The following SHANK2 variants were observed in gnomAD, a reference collection of about 807,000 sequenced individuals.
SHANK2 encodes SH3 and multiple ankyrin repeat domains 2.
A neutral mutation model predicts 133.7 loss-of-function variants in SHANK2; 43 were observed. The observed-to-expected ratio is 0.32, with a 90% CI of 0.25 to 0.41. The LOEUF (loss-of-function observed/expected upper bound fraction) is 0.41. Among genes scored for constraint, SHANK2 ranks in the 10% least tolerant of loss-of-function variants. The probability of loss-of-function intolerance (pLI) is 1.00; values close to 1 mark genes in which losing one functional copy is unlikely to be tolerated. For missense variants in SHANK2, 1,994 were observed against 2,235.8 expected (o/e 0.89, Z 2.18); for synonymous variants, 1,017 against 952.8 (o/e 1.07, Z -1.24).
chr11:70,717,119 C>G (rs1312239140), intron 14 of SHANK2, among the ~76,000 whole-genome samples: 3 of 152,238 alleles, frequency 2.0e-5, no homozygotes, highest in Non-Finnish European at 4.4e-5. Flanking sequence ...CCCAGCCATG[C>G]TGTCTTTGGA....
intron 14 of SHANK2, among the ~76,000 whole-genome samples, chr11:70,761,917 C>T (rs10793291): frequency 0.34 from 50,706 of 149,314 alleles, 9,177 homozygotes; most frequent in East Asian, 0.58. Flanking sequence ...AGCAAGTTCC[C>T]GGCTGCTGCT....
chr11:70,495,711 C>T, intron 21 of SHANK2: 1 of 165,840 alleles, frequency 6.0e-6, no homozygotes, highest in Non-Finnish European at 1.4e-5. Context: ...GAGCGGGGTG[C>T]AGCAGCATGT....
chr11:70,814,362 C>T (rs756216512), intron 12 of SHANK2, among the ~76,000 whole-genome samples: 6 of 151,742 alleles, frequency 4.0e-5, no homozygotes, highest in Non-Finnish European at 7.4e-5. Flanking sequence ...ACCGGGAGAG[C>T]TCCCAATTCC....
chr11:70,648,771 G>A (rs1231112704), intron 17 of SHANK2, among the ~76,000 whole-genome samples: 2 of 152,172 alleles, frequency 1.3e-5, no homozygotes, highest in Non-Finnish European at 2.9e-5. Context: ...GGGTTTGGGA[G>A]GAAGGAGACC....
intron 2 of SHANK2, among the ~76,000 whole-genome samples, chr11:71,208,424 A>G (rs1591021426): frequency 6.6e-6 from 1 of 152,194 alleles, no homozygotes; most frequent in African/African-American, 2.4e-5. Context: ...TCTCAACCCC[A>G]TAAACCCTAG....
chr11:70,798,616 A>G (rs1205609944), intron 13 of SHANK2, 60 bp from the exon 14 acceptor site: 2 of 711,438 alleles, frequency 2.8e-6, no homozygotes, highest in Admixed American at 2.0e-5. Flanking sequence ...CTGAGGTTGA[A>G]CAAGACGAGT....
At chr11:70,862,306 A>G (rs1262037192) in intron 11 of SHANK2, among the ~76,000 whole-genome samples, 1 of 152,216 alleles carries the variant, frequency 6.6e-6, no homozygotes, top group Non-Finnish European at 1.5e-5. Flanking sequence ...CTTTGTTGAA[A>G]GATCCCTCTT....
Position 70,487,832 on chromosome 11 carries a change from C to T in SHANK2, c.2573-112G>A, listed in dbSNP as rs562887354. The T allele has an allele frequency of 4.1e-5, 64 of 1,542,970 alleles. No individual in the cohort carries two copies. In the African/African-American group the frequency reaches 7.0e-4, roughly 17 times the overall value. ...AAACTCACAAATTCAGATGATGAAC[C>T]GGATGTTCAGGAAACACAGCACAAG... is the stretch of plus-strand genomic sequence containing the variant. On this transcript the variant is annotated intron_variant, in intron 24 of 25. Coordinates refer to ENST00000601538, the MANE Select transcript of SHANK2 (RefSeq NM_012309.5). The surrounding 1 kb of genome is among the most constrained non-coding windows in gnomAD (Gnocchi z 5.8).
intron 3 of SHANK2, 49 bp downstream of exon 3, chr11:71,147,071 C>G (rs1486966523): frequency 6.8e-7 from 1 of 1,469,624 alleles, no homozygotes; most frequent in Non-Finnish European, 9.1e-7. Flanking sequence ...GTTCAAGCCA[C>G]AGGTGACATT....
At chr11:70,766,801 T>G (rs1947132651) in intron 14 of SHANK2, among the ~76,000 whole-genome samples, 1 of 152,254 alleles carries the variant, frequency 6.6e-6, no homozygotes, top group East Asian at 1.9e-4. Flanking sequence ...GGCAATGTTT[T>G]TGTTCCAATC....
chr11:70,915,655 G>A (rs1220452047), intron 10 of SHANK2, among the ~76,000 whole-genome samples: 1 of 152,120 alleles, frequency 6.6e-6, no homozygotes, highest in Non-Finnish European at 1.5e-5. Flanking sequence ...GGGAGTTAAA[G>A]GCAACAGGCA....
intron 9 of SHANK2, among the ~76,000 whole-genome samples, chr11:71,069,196 C>CACT (rs1951109468): frequency 6.6e-6 from 1 of 151,254 alleles, no homozygotes; most frequent in Non-Finnish European, 1.5e-5. Context: ...CACTATCAAC[C>CACT]ACCATCATCA....
At chr11:70,755,439 T>G (rs1289179154) in intron 14 of SHANK2, among the ~76,000 whole-genome samples, 1 of 152,146 alleles carries the variant, frequency 6.6e-6, no homozygotes, top group Non-Finnish European at 1.5e-5. Flanking sequence ...TGTGCAGGGG[T>G]GCACTCCGGC....
At chr11:70,559,293 T>C (rs1444488279) in intron 17 of SHANK2, among the ~76,000 whole-genome samples, 2 of 152,224 alleles carry the variant, frequency 1.3e-5, no homozygotes, top group East Asian at 3.8e-4. Flanking sequence ...GTGCTGGCAT[T>C]ACAGGCGTGA....
At chr11:70,747,275 C>T (rs1591809587) in intron 14 of SHANK2, among the ~76,000 whole-genome samples, 1 of 151,968 alleles carries the variant, frequency 6.6e-6, no homozygotes, top group Non-Finnish European at 1.5e-5. Context: ...GGCTCGGTGC[C>T]ATGCTTAGGA....
intron 10 of SHANK2, among the ~76,000 whole-genome samples, chr11:70,940,327 A>G (rs1950630446): frequency 6.8e-6 from 1 of 146,364 alleles, no homozygotes; most frequent in South Asian, 2.3e-4. Context: ...GCTTACTGCA[A>G]CCTCTGCCTC....
rs549530392 is a variant in SHANK2 at position 70,586,540 on chromosome 11, C to T, written c.2061+73288G>A. On this transcript the variant is annotated intron_variant, in intron 17 of 25. Coordinates refer to ENST00000601538, the MANE Select transcript of SHANK2 (RefSeq NM_012309.5). ...GACACACTACTCTTCACAGAGACCT[C>T]GGAAGCTAACTCCGAGGCGGCCCCT... Among the ~76,000 whole-genome samples, 39 of 152,296 alleles carry T rather than the reference C, an allele frequency of 2.6e-4. No homozygotes were observed. The South Asian group carries it at 7.5e-3, about 29-fold the overall frequency.
chr11:71,221,760 C>G (rs1294716718), intron 2 of SHANK2, among the ~76,000 whole-genome samples: 1 of 152,080 alleles, frequency 6.6e-6, no homozygotes, highest in African/African-American at 2.4e-5. Context: ...TTCTGAGCAG[C>G]AAGGGGAGGT....
At position 70,770,191 on chromosome 11, in the gene SHANK2, C is replaced by T. The variant is rs192397090; in HGVS notation, c.1777+28252G>A. Among the ~76,000 whole-genome samples, 396 of 152,348 alleles carry T rather than the reference C, an allele frequency of 2.6e-3. 2 individuals carry two copies. The highest frequency in any genetic ancestry group is 4.7e-3 in the Non-Finnish European group (321 of 68,040). On this transcript the variant is annotated intron_variant, in intron 14 of 25. Coordinates refer to ENST00000601538, the MANE Select transcript of SHANK2 (RefSeq NM_012309.5). ...GGGAGAAAGTTCTAGTCTCTGCTGC[C>T]GCCCACTTGATGTGTGACTTGGAGC...
Sources: gnomAD v4.1 joint callset for allele counts (sites outside exome capture counted in the v4.1 genomes callset) on GRCh38, gnomAD v4.1.1 for gene constraint, Gnocchi (gnomAD v3.1) non-coding constraint, MANE v1.5 for transcripts, NCBI Gene and HGNC (gene_info 2026-07-23, HGNC 2026-07-21) for gene names.